Variants in KIAA1549L observed in about 807,000 individuals in gnomAD.
KIAA1549L encodes KIAA1549 like.
In KIAA1549L, 88 loss-of-function variants were observed where a neutral mutation model predicts 160.7. The ratio of observed to expected loss-of-function variants is 0.55; its 90% confidence interval spans 0.46 to 0.65. KIAA1549L has a LOEUF of 0.65. Ranked by LOEUF, KIAA1549L falls within the 30% of genes least tolerant of loss-of-function variation. The pLI, the probability that KIAA1549L is intolerant of heterozygous loss-of-function variation, is 0.00. For synonymous variants in KIAA1549L, 950 were observed against 976.7 expected, an observed-to-expected ratio of 0.97 and a Z score of 0.51; for missense variants, 2,258 against 2,437.5, an observed-to-expected ratio of 0.93 and a Z score of 1.55.
chr11:33,472,107 C>A (rs7119313), intron 1 of KIAA1549L, among the ~76,000 whole-genome samples: 1 of 151,636 alleles, frequency 6.6e-6, no homozygotes, highest in African/African-American at 2.4e-5. Flanking sequence ...CCTTCCTTTC[C>A]TTTTTTTCCT....
chr11:33,609,179 A>C (rs1043065852), intron 14 of KIAA1549L, among the ~76,000 whole-genome samples: 1 of 152,256 alleles, frequency 6.6e-6, no homozygotes, highest in Non-Finnish European at 1.5e-5. Flanking sequence ...AAAATTACAT[A>C]TCTCTCAAGA....
intron 1 of KIAA1549L, among the ~76,000 whole-genome samples, chr11:33,380,850 C>T (rs1020383764): frequency 3.9e-5 from 6 of 152,020 alleles, no homozygotes; most frequent in African/African-American, 1.4e-4. Flanking sequence ...CCTTGCCGCT[C>T]CCCAAACTCT....
intron 1 of KIAA1549L, among the ~76,000 whole-genome samples, chr11:33,465,813 C>T (rs1256557944): frequency 2.0e-5 from 3 of 152,134 alleles, no homozygotes; most frequent in Non-Finnish European, 4.4e-5. Flanking sequence ...GAAACTGGAT[C>T]CCTTCCTTAC....
intron 13 of KIAA1549L, among the ~76,000 whole-genome samples, chr11:33,601,920 C>CA (rs1850377405): frequency 6.6e-6 from 1 of 152,202 alleles, no homozygotes; most frequent in Non-Finnish European, 1.5e-5. Flanking sequence ...GTGGGAAAGT[C>CA]AGACATGAGA....
intron 15 of KIAA1549L, among the ~76,000 whole-genome samples, chr11:33,611,559 A>G (rs1322797809): frequency 1.3e-5 from 2 of 152,204 alleles, no homozygotes; most frequent in African/African-American, 4.8e-5. Flanking sequence ...AGGGTTCACA[A>G]TGCATGTGTC....
chr11:33,384,266 A>G (rs1269382754), intron 1 of KIAA1549L, among the ~76,000 whole-genome samples: 1 of 152,258 alleles, frequency 6.6e-6, no homozygotes, highest in Non-Finnish European at 1.5e-5. Context: ...TTCACTTAGC[A>G]TAATGCTCTT....
intron 1 of KIAA1549L, among the ~76,000 whole-genome samples, chr11:33,533,467 G>T (rs960776127): frequency 1.3e-5 from 2 of 152,264 alleles, no homozygotes; most frequent in East Asian, 3.9e-4. Context: ...TCTCTGATGC[G>T]TTTAGTTCAA....
intron 16 of KIAA1549L, among the ~76,000 whole-genome samples, chr11:33,621,980 C>T (rs1283348730): frequency 6.6e-6 from 1 of 152,170 alleles, no homozygotes; most frequent in Non-Finnish European, 1.5e-5. Context: ...CTCTTAGTTT[C>T]CCTCTAGCAG....
intron 1 of KIAA1549L, among the ~76,000 whole-genome samples, chr11:33,528,827 A>G (rs963035302): frequency 4.6e-5 from 7 of 152,128 alleles, no homozygotes; most frequent in African/African-American, 1.7e-4. Flanking sequence ...ACTCCGGGGG[A>G]AAGGTGTGAG....
chr11:33,631,706 A>G (rs1423197660), intron 16 of KIAA1549L, among the ~76,000 whole-genome samples: 2 of 152,144 alleles, frequency 1.3e-5, no homozygotes, highest in African/African-American at 4.8e-5. Flanking sequence ...CCCTATGCCT[A>G]TGGGCCCCTC....
intron 1 of KIAA1549L, among the ~76,000 whole-genome samples, chr11:33,467,709 A>G (rs990444275): frequency 2.6e-5 from 4 of 152,228 alleles, no homozygotes; most frequent in African/African-American, 9.6e-5. Flanking sequence ...CTAGATCAGC[A>G]TTAGGGAAAA....
chr11:33,392,519 G>A (rs1175651324), intron 1 of KIAA1549L, among the ~76,000 whole-genome samples: 4 of 152,104 alleles, frequency 2.6e-5, no homozygotes, highest in Non-Finnish European at 5.9e-5. Context: ...ATTTTCTTGA[G>A]TTTTTACAAA....
intron 10 of KIAA1549L, among the ~76,000 whole-genome samples, chr11:33,577,267 G>A (rs923053411): frequency 2.0e-5 from 3 of 152,200 alleles, no homozygotes; most frequent in African/African-American, 7.2e-5. Context: ...AGAAGAACAA[G>A]GTGTGGGGAA....
intron 8 of KIAA1549L, among the ~76,000 whole-genome samples, chr11:33,562,808 A>G (rs902589169): frequency 6.6e-6 from 1 of 150,988 alleles, no homozygotes. Context: ...CCTCCCAAGT[A>G]GCTGGGATTA....
chr11:33,519,289 A>G (rs1325793777), intron 1 of KIAA1549L, among the ~76,000 whole-genome samples: 1 of 152,182 alleles, frequency 6.6e-6, no homozygotes, highest in Non-Finnish European at 1.5e-5. Flanking sequence ...GATTTTAAGG[A>G]AGACTCTATA....
chr11:33,434,429 G>A (rs542951741), intron 1 of KIAA1549L, among the ~76,000 whole-genome samples: 2 of 152,284 alleles, frequency 1.3e-5, no homozygotes, highest in South Asian at 2.1e-4. Context: ...CCCAGTCCAA[G>A]GTGTGTCTTT....
intron 1 of KIAA1549L, among the ~76,000 whole-genome samples, chr11:33,397,020 T>C (rs1285078539): frequency 1.3e-5 from 2 of 151,600 alleles, no homozygotes; most frequent in African/African-American, 2.4e-5. Flanking sequence ...CTAAATTTTA[T>C]CATAATTTGT....
At chr11:33,609,052 C>T (rs1455496613) in intron 14 of KIAA1549L, among the ~76,000 whole-genome samples, 3 of 152,244 alleles carry the variant, frequency 2.0e-5, no homozygotes, top group Non-Finnish European at 4.4e-5. Context: ...GCACAGTCAC[C>T]TGCTTATATC....
chr11:33,563,231 C>A (rs1227382138), intron 8 of KIAA1549L, among the ~76,000 whole-genome samples: 1 of 151,696 alleles, frequency 6.6e-6, no homozygotes, highest in Non-Finnish European at 1.5e-5. Context: ...TGCCTGTAAT[C>A]CCAGCTATTT....
Sources: gnomAD v4.1 joint callset for allele counts (sites outside exome capture counted in the v4.1 genomes callset) on GRCh38, gnomAD v4.1.1 for gene constraint, MANE v1.5 for transcripts, NCBI Gene and HGNC (gene_info 2026-07-23, HGNC 2026-07-21) for gene names.